Variants in LRRIQ1 observed in about 807,000 individuals in gnomAD.
The protein encoded by LRRIQ1 is leucine rich repeats and IQ motif containing 1.
A neutral mutation model predicts 211.9 loss-of-function variants in LRRIQ1; 210 were observed. The ratio of observed to expected loss-of-function variants is 0.99; its 90% CI spans 0.89 to 1.11. The LOEUF (loss-of-function observed/expected upper bound fraction) is 1.11, where lower values mean the gene tolerates loss of function less well. LRRIQ1 is among the 50% of genes most tolerant of loss of function. The probability of loss-of-function intolerance (pLI) is 0.00; values close to 1 mark genes in which losing one functional copy is unlikely to be tolerated. For missense variants in LRRIQ1, 2,136 were observed against 1,939.5 expected (o/e 1.10, Z -1.90); for synonymous variants, 699 against 650.1 (o/e 1.08, Z -1.14).
chr12:85,195,560 A>G (rs1057374391), intron 24 of LRRIQ1, among the ~76,000 whole-genome samples: 49 of 152,250 alleles, frequency 3.2e-4, no homozygotes, highest in Non-Finnish European at 5.3e-4. Flanking sequence ...TATAAACAGA[A>G]CCAAAGACAA....
chr12:85,104,957 T>C (rs1886662188), intron 14 of LRRIQ1, among the ~76,000 whole-genome samples: 1 of 152,118 alleles, frequency 6.6e-6, no homozygotes, highest in Non-Finnish European at 1.5e-5. Context: ...TTTACTATGT[T>C]ATCTCATTGT....
intron 24 of LRRIQ1, among the ~76,000 whole-genome samples, chr12:85,171,279 T>A (rs968004894): frequency 2.0e-5 from 3 of 152,144 alleles, no homozygotes; most frequent in Admixed American, 1.3e-4. Flanking sequence ...GAGATAATTA[T>A]CAACTGAAAC....
chr12:85,244,374 G>T (rs1429914754), intron 26 of LRRIQ1, among the ~76,000 whole-genome samples: 2 of 151,342 alleles, frequency 1.3e-5, no homozygotes, highest in Non-Finnish European at 3.0e-5. Flanking sequence ...TTATTGATAA[G>T]ACTAATACAT....
chr12:85,198,297 T>A (rs1266272750), intron 24 of LRRIQ1, among the ~76,000 whole-genome samples: 1 of 150,094 alleles, frequency 6.7e-6, no homozygotes, highest in African/African-American at 2.5e-5. Context: ...TTTATGGTTC[T>A]CATTTATATT....
intron 13 of LRRIQ1, among the ~76,000 whole-genome samples, chr12:85,100,417 A>C (rs1310239646): frequency 6.6e-6 from 1 of 151,700 alleles, no homozygotes; most frequent in Non-Finnish European, 1.5e-5. Context: ...ACTGAGCATG[A>C]TAATTGGAAT....
intron 15 of LRRIQ1, among the ~76,000 whole-genome samples, chr12:85,120,422 T>C (rs1018648735): frequency 1.3e-5 from 2 of 152,230 alleles, no homozygotes; most frequent in African/African-American, 4.8e-5. Context: ...ATACTGTCTC[T>C]ACTACTATAG....
chr12:85,099,994 C>T (rs1886222224), intron 13 of LRRIQ1, among the ~76,000 whole-genome samples: 1 of 151,788 alleles, frequency 6.6e-6, no homozygotes, highest in Non-Finnish European at 1.5e-5. Flanking sequence ...GAGCCAGCTC[C>T]ATCAGATAAT....
intron 18 of LRRIQ1, among the ~76,000 whole-genome samples, chr12:85,136,917 A>G (rs1889172741): frequency 6.6e-6 from 1 of 151,644 alleles, no homozygotes; most frequent in Non-Finnish European, 1.5e-5. Flanking sequence ...TCTGTTTCAT[A>G]TTTACTTAAT....
intron 15 of LRRIQ1, among the ~76,000 whole-genome samples, chr12:85,111,966 ACACT>A (rs1331285171): frequency 1.2e-4 from 18 of 150,108 alleles, no homozygotes; most frequent in Admixed American, 2.0e-4. Flanking sequence ...ACACACACAC[ACACT>A]CTCTCTCTCA....
rs1233262967 is a variant in LRRIQ1, at chr12:85,195,193, T to C, written c.4823-34324T>C. ...GTGGCAATAATCAATAGCTTACCAA[T>C]CAAAAAGAGTCCAGGACCAGATGGA... On this transcript the variant is annotated intron_variant, in intron 24 of 26. Transcript: ENST00000393217. 3.9e-3 allele frequency among the ~76,000 whole-genome samples: 595 copies of C among 151,636 alleles called. 2 individuals are homozygous for C. The highest frequency in any genetic ancestry group is 0.014 in the African/African-American group (566 of 41,348).
At chr12:85,139,522 G>T (rs931246846) in intron 19 of LRRIQ1, among the ~76,000 whole-genome samples, 2 of 151,410 alleles carry the variant, frequency 1.3e-5, no homozygotes, top group East Asian at 3.9e-4. Context: ...TGAGAATTTT[G>T]ATATTCAATT....
At chr12:85,226,388 A>G (rs1009950613) in intron 24 of LRRIQ1, among the ~76,000 whole-genome samples, 57 of 152,130 alleles carry the variant, frequency 3.7e-4, no homozygotes, top group African/African-American at 1.4e-3. Flanking sequence ...GCTGTCCAAC[A>G]TCTGGCCTGG....
chr12:85,185,977 T>C (rs1892210818), intron 24 of LRRIQ1, among the ~76,000 whole-genome samples: 1 of 152,080 alleles, frequency 6.6e-6, no homozygotes, highest in Non-Finnish European at 1.5e-5. Flanking sequence ...TTTATTGTTT[T>C]AAGTATAATG....
intron 24 of LRRIQ1, among the ~76,000 whole-genome samples, chr12:85,177,224 T>C (rs1376973032): frequency 1.3e-5 from 2 of 152,174 alleles, no homozygotes; most frequent in African/African-American, 4.8e-5. Context: ...GTTTATTGAA[T>C]TTCTGCTTTG....
intron 24 of LRRIQ1, among the ~76,000 whole-genome samples, chr12:85,199,226 TA>T (rs1220129696): frequency 1.2e-4 from 19 of 152,236 alleles, no homozygotes; most frequent in African/African-American, 3.9e-4. Flanking sequence ...GGTTTTCTTC[TA>T]GGGTTTTTAT....
At chr12:85,070,467 A>G (rs1882967203) in intron 10 of LRRIQ1, among the ~76,000 whole-genome samples, 2 of 151,942 alleles carry the variant, frequency 1.3e-5, no homozygotes, top group Admixed American at 6.6e-5. Context: ...TTATCCTGAA[A>G]TGGTTTGTAG....
At chr12:85,109,802 C>G (rs558307683) in intron 15 of LRRIQ1, among the ~76,000 whole-genome samples, 4 of 152,192 alleles carry the variant, frequency 2.6e-5, no homozygotes, top group African/African-American at 9.6e-5. Context: ...TACCCCTACC[C>G]CATACTGTGT....
chr12:85,161,711 G>T, intron 24 of LRRIQ1, among the ~76,000 whole-genome samples: 1 of 152,120 alleles, frequency 6.6e-6, no homozygotes, highest in Admixed American at 6.5e-5. Context: ...AAGTATGTAG[G>T]GGTAGAAGTC....
chr12:85,171,308 A>G (rs757979089), intron 24 of LRRIQ1, among the ~76,000 whole-genome samples: 3 of 152,318 alleles, frequency 2.0e-5, no homozygotes, highest in South Asian at 2.1e-4. Context: ...AATCCAATAA[A>G]GAGAAGTGTG....
Sources: gnomAD v4.1 joint callset for allele counts (sites outside exome capture counted in the v4.1 genomes callset) on GRCh38, gnomAD v4.1.1 for gene constraint, MANE v1.5 for transcripts, NCBI Gene and HGNC (gene_info 2026-07-23, HGNC 2026-07-21) for gene names.